Variants in CHCHD6 observed in about 807,000 individuals in gnomAD.
CHCHD6 encodes coiled-coil-helix-coiled-coil-helix domain containing 6.
In CHCHD6, 28 loss-of-function variants were observed where a neutral mutation model predicts 32.3. The observed-to-expected ratio is 0.87, with a 90% CI of 0.64 to 1.19. CHCHD6 has a LOEUF of 1.19. Ranked by LOEUF, CHCHD6 falls within the 50% of genes most tolerant of loss-of-function variation. The probability of loss-of-function intolerance (pLI) is 0.00; values close to 1 mark genes in which losing one functional copy is unlikely to be tolerated. For synonymous variants in CHCHD6, 122 were observed against 117.5 expected, an observed-to-expected ratio of 1.04 and a Z score of -0.25; for missense variants, 333 against 307.0, an observed-to-expected ratio of 1.08 and a Z score of -0.63.
chr3:126,707,225 C>T (rs2107648176), intron 1 of CHCHD6, among the ~76,000 whole-genome samples: 1 of 150,318 alleles, frequency 6.7e-6, no homozygotes, highest in South Asian at 2.1e-4. Context: ...GAGATTATGC[C>T]AGTGTCCTCC....
intron 5 of CHCHD6, among the ~76,000 whole-genome samples, chr3:126,867,737 C>G (rs1942335504): frequency 6.7e-6 from 1 of 150,240 alleles, no homozygotes; most frequent in African/African-American, 2.5e-5. Flanking sequence ...TGTGCCACCC[C>G]CAATCCACTG....
At chr3:126,740,355 C>T (rs1324050034) in intron 4 of CHCHD6, among the ~76,000 whole-genome samples, 1 of 152,158 alleles carries the variant, frequency 6.6e-6, no homozygotes. Flanking sequence ...GCACTGGTGC[C>T]TTGGGTGAAT....
rs535669391 is a variant in CHCHD6 at position 126,782,737 on chromosome 3, C to T, written c.411+49515C>T. ...TACTTGATTGCTTCAAATTCCTGAG[C>T]AAGTCACACCCTTGGCAGTGGAGGG... On this transcript the variant is annotated intron_variant, in intron 4 of 7. Coordinates refer to ENST00000290913, the MANE Select transcript of CHCHD6 (RefSeq NM_032343.3). Among the ~76,000 whole-genome samples, 13 of 152,214 alleles carry T rather than the reference C, an allele frequency of 8.5e-5. No homozygotes were observed. The South Asian group carries it at 2.7e-3, about 32-fold the overall frequency.
At chr3:126,763,631 A>G (rs931519092) in intron 4 of CHCHD6, among the ~76,000 whole-genome samples, 2 of 152,266 alleles carry the variant, frequency 1.3e-5, no homozygotes, top group Admixed American at 1.3e-4. Flanking sequence ...ATGAAGTACC[A>G]CACTCAGCCT....
chr3:126,833,176 A>G (rs367715197), intron 4 of CHCHD6, among the ~76,000 whole-genome samples: 2 of 152,182 alleles, frequency 1.3e-5, no homozygotes, highest in East Asian at 1.9e-4. Context: ...TATGTCTCTC[A>G]GCGCTCAAAG....
intron 4 of CHCHD6, among the ~76,000 whole-genome samples, chr3:126,782,112 C>T (rs1161697613): frequency 6.6e-6 from 1 of 152,200 alleles, no homozygotes; most frequent in Non-Finnish European, 1.5e-5. Flanking sequence ...GTTCATGAAG[C>T]AAACTGCTCC....
intron 4 of CHCHD6, among the ~76,000 whole-genome samples, chr3:126,759,665 A>T (rs1937090989): frequency 6.6e-6 from 1 of 152,070 alleles, no homozygotes; most frequent in Non-Finnish European, 1.5e-5. Context: ...CTACCGGGTG[A>T]TTTTTTGCTC....
chr3:126,710,575 T>C (rs1934704097), intron 1 of CHCHD6, among the ~76,000 whole-genome samples: 1 of 152,216 alleles, frequency 6.6e-6, no homozygotes, highest in South Asian at 2.1e-4. Flanking sequence ...ATACACGAAA[T>C]ATCTCTTCAT....
chr3:126,871,714 G>A (rs2077474404), intron 5 of CHCHD6, among the ~76,000 whole-genome samples: 1 of 138,286 alleles, frequency 7.2e-6, no homozygotes, highest in African/African-American at 2.7e-5. Flanking sequence ...CGCCCAGGCT[G>A]GAGTGCAGTG....
At chr3:126,747,931 C>T (rs935924137) in intron 4 of CHCHD6, among the ~76,000 whole-genome samples, 26 of 152,222 alleles carry the variant, frequency 1.7e-4, no homozygotes, top group African/African-American at 6.3e-4. Flanking sequence ...GTTACCCTCT[C>T]TGCTGCTGCC....
chr3:126,915,052 C>A (rs1472543598), intron 6 of CHCHD6, among the ~76,000 whole-genome samples: 1 of 152,234 alleles, frequency 6.6e-6, no homozygotes, highest in Non-Finnish European at 1.5e-5. Context: ...GTGTGGCTAG[C>A]TGAGGAGCTG....
intron 4 of CHCHD6, among the ~76,000 whole-genome samples, chr3:126,820,172 T>C (rs1326039328): frequency 6.6e-6 from 1 of 152,268 alleles, no homozygotes; most frequent in Non-Finnish European, 1.5e-5. Context: ...TTTTCTTTCT[T>C]TGGCCTCTCT....
intron 4 of CHCHD6, among the ~76,000 whole-genome samples, chr3:126,752,090 T>G (rs1440672879): frequency 6.6e-6 from 1 of 152,196 alleles, no homozygotes; most frequent in African/African-American, 2.4e-5. Context: ...GACTAGCATT[T>G]TGAAATTGGC....
intron 4 of CHCHD6, among the ~76,000 whole-genome samples, chr3:126,838,475 G>C (rs1369520973): frequency 6.6e-6 from 1 of 152,196 alleles, no homozygotes; most frequent in East Asian, 1.9e-4. Flanking sequence ...ACTCTTCCAG[G>C]CTTGGGCCTC....
At chr3:126,898,274 A>G (rs1351346112) in intron 5 of CHCHD6, among the ~76,000 whole-genome samples, 2 of 152,142 alleles carry the variant, frequency 1.3e-5, no homozygotes, top group East Asian at 3.9e-4. Flanking sequence ...TTGTTTTGCT[A>G]TTTGCTTGCC....
At chr3:126,909,299 C>G (rs781189646) in intron 5 of CHCHD6, among the ~76,000 whole-genome samples, 1 of 152,196 alleles carries the variant, frequency 6.6e-6, no homozygotes, top group Non-Finnish European at 1.5e-5. Context: ...TGGGGGTTCC[C>G]CTCAGACCTC....
At chr3:126,752,938 C>G (rs1029693401) in intron 4 of CHCHD6, among the ~76,000 whole-genome samples, 2 of 152,098 alleles carry the variant, frequency 1.3e-5, no homozygotes, top group Non-Finnish European at 2.9e-5. Context: ...GTTCCTAGAC[C>G]TCGTAAGTCA....
At chr3:126,805,879 G>A (rs944239194) in intron 4 of CHCHD6, among the ~76,000 whole-genome samples, 2 of 152,136 alleles carry the variant, frequency 1.3e-5, no homozygotes, top group Non-Finnish European at 2.9e-5. Context: ...ACAGAACAGA[G>A]CCCTCAGAAA....
At chr3:126,753,045 G>A (rs1368570074) in intron 4 of CHCHD6, among the ~76,000 whole-genome samples, 1 of 152,158 alleles carries the variant, frequency 6.6e-6, no homozygotes, top group Non-Finnish European at 1.5e-5. Context: ...GGGGATAGGA[G>A]GATTCCTTGC....
Sources: gnomAD v4.1 joint callset for allele counts (sites outside exome capture counted in the v4.1 genomes callset) on GRCh38, gnomAD v4.1.1 for gene constraint, MANE v1.5 for transcripts, NCBI Gene and HGNC (gene_info 2026-07-23, HGNC 2026-07-21) for gene names.